Variants in RBSN observed in about 807,000 individuals in gnomAD.
RBSN encodes rabenosyn, RAB effector, also known as rabenosyn-5.
Under a neutral mutation model 60.5 loss-of-function variants are expected in RBSN, and 34 were observed. The ratio of observed to expected loss-of-function variants is 0.56; its 90% CI spans 0.43 to 0.75. The LOEUF is 0.75. RBSN is among the 30% of genes least tolerant of loss of function. The pLI is 0.00. For missense variants in RBSN, 845 were observed against 986.8 expected (o/e 0.86, Z 1.92); for synonymous variants, 322 against 366.9 (o/e 0.88, Z 1.40).
chr3:15,075,509 G>C, intron 13 of RBSN, 97 bp downstream of exon 13: 1 of 941,266 alleles, frequency 1.1e-6, no homozygotes. Flanking sequence ...GAGAGGTTCT[G>C]ATTCACTACA....
intron 1 of RBSN, among the ~76,000 whole-genome samples, chr3:15,098,530 G>A (rs2043735793): frequency 7.6e-6 from 1 of 131,498 alleles, no homozygotes; most frequent in South Asian, 2.8e-4. Context: ...ATGTCACCCC[G>A]CCACATGCCG....
chr3:15,094,238 G>C (rs2043592622), intron 4 of RBSN, among the ~76,000 whole-genome samples: 1 of 152,196 alleles, frequency 6.6e-6, no homozygotes, highest in Non-Finnish European at 1.5e-5. Context: ...CTGGAAGCTA[G>C]TTGAAAATGA....
chr3:15,097,234 G>A (rs1476537356), intron 2 of RBSN, among the ~76,000 whole-genome samples: 1 of 152,160 alleles, frequency 6.6e-6, no homozygotes, highest in Admixed American at 6.5e-5. Context: ...TAAAAGGCTG[G>A]CCAGGCATGG....
At position 15,070,237 on chromosome 3, in the gene RBSN, A is replaced by T. The variant is rs557586299; in HGVS notation, c.*3545T>A. On this transcript the variant is annotated 3_prime_UTR_variant, in exon 14 of 14. Coordinates refer to ENST00000253699, the MANE Select transcript of RBSN (RefSeq NM_022340.4). ...AGACCACCTTTTCATTTTGAGTCCC[A>T]TCACCAACTATGCCAATGTCCAACC... is the stretch of plus-strand genomic sequence containing the variant. 6.5e-6 allele frequency: 1 copy of T among 152,790 alleles called. No individual in the cohort carries two copies. The highest frequency in any genetic ancestry group is 2.4e-5 in the African/African-American group (1 of 41,566). 9.5% of individuals were successfully genotyped at this position (152,790 alleles called of 1,614,324 possible). A position where few individuals can be genotyped will look rare whatever the true frequency, so the allele number is the denominator to read the frequency against.
chr3:15,081,849 G>A (rs972581993), intron 9 of RBSN, among the ~76,000 whole-genome samples: 1 of 152,162 alleles, frequency 6.6e-6, no homozygotes, highest in Non-Finnish European at 1.5e-5. Flanking sequence ...TCCTCTCAGA[G>A]TATGCATCTA....
At chr3:15,085,824 TTTG>T in intron 6 of RBSN, 34 bp downstream of exon 6, 1 of 1,519,246 alleles carries the variant, frequency 6.6e-7, no homozygotes, top group South Asian at 1.1e-5. Context: ...AAAATGTGTA[TTTG>T]TAGAAAAAAA....
In RBSN at chr3:15,096,140, C is replaced by A. The variant is rs746543226; in HGVS notation, c.-20G>T. 21 of 1,537,870 alleles carry A rather than the reference C, an allele frequency of 1.4e-5. No individual in the cohort carries two copies. The highest frequency in any genetic ancestry group is 1.8e-5 in the Non-Finnish European group (21 of 1,146,548). On this transcript the variant is annotated 5_prime_UTR_variant, in exon 4 of 14. It adds an upstream start codon to the 5' untranslated region. Coordinates refer to ENST00000253699, the MANE Select transcript of RBSN (RefSeq NM_022340.4). ...AGCCATGGCAGTGCCGCTCTCAACC[C>A]TAGGAAGGCAGGAATCTCATGCCAA...
chr3:15,092,250 A>G (rs940212391), intron 4 of RBSN, among the ~76,000 whole-genome samples: 11 of 152,216 alleles, frequency 7.2e-5, no homozygotes, highest in African/African-American at 2.4e-4. Context: ...TGAGATTGAT[A>G]AGAATACACT....
chr3:15,091,447 T>C, intron 4 of RBSN: 1 of 1,285,006 alleles, frequency 7.8e-7, no homozygotes, highest in Non-Finnish European at 1.0e-6. Context: ...ACTTATTGAA[T>C]GCATGTGAGA....
At chr3:15,092,129 G>A (rs533170081) in intron 4 of RBSN, among the ~76,000 whole-genome samples, 4 of 152,170 alleles carry the variant, frequency 2.6e-5, no homozygotes, top group South Asian at 4.2e-4. Context: ...CGATCCTCTC[G>A]CCTCAGTCTC....
At position 15,070,157 on chromosome 3, in the gene RBSN, G is replaced by A. The variant is rs2042900029; in HGVS notation, c.*3625C>T. ...CATGCAAATCAACGACCCTCAAAGT[G>A]ACAGTCATTGTCAGATAACAAGCAC... On this transcript the variant is annotated 3_prime_UTR_variant, in exon 14 of 14. Transcript: ENST00000253699. 1 of 152,536 alleles carries A rather than the reference G, an allele frequency of 6.6e-6. No individual in the cohort carries two copies. The highest frequency in any genetic ancestry group is 2.4e-5 in the African/African-American group (1 of 41,416). 9.4% of individuals were successfully genotyped at this position (152,536 alleles called of 1,614,324 possible).
In RBSN at chr3:15,074,688, G is replaced by GC. The variant is rs1264740615; in HGVS notation, c.1448dup (p.Thr484HisfsTer14). On this transcript the variant is annotated frameshift_variant, in exon 14 of 14. Coordinates refer to ENST00000253699, the MANE Select transcript of RBSN (RefSeq NM_022340.4). LOFTEE classifies it low-confidence loss of function (END_TRUNC). The surrounding 1 kb of genome is among the most constrained non-coding windows in gnomAD (Gnocchi z 6.4). The stretch of plus-strand genomic sequence containing the variant: ...GCTGCCGCAGGTTCTCCTGCAGAGT[G>GC]CGCACTTCATCCATGCGGCCCGCGG... 6.2e-7 allele frequency: 1 copy of GC among 1,614,268 alleles called. No homozygotes were observed.
At chr3:15,095,659 A>T in intron 4 of RBSN, 1 of 490,578 alleles carries the variant, frequency 2.0e-6, no homozygotes, top group Non-Finnish European at 3.6e-6. Context: ...GTTAAAGAAC[A>T]GTCAAGCCAG....
In RBSN at chr3:15,077,124, G is replaced by A; in HGVS notation, c.1039C>T (p.Pro347Ser). Residue 347 changes from proline (P) to serine (S), a missense_variant, in exon 12 of 14, where the codon CCA (proline) becomes TCA (serine). Pro to Ser is a moderately conservative substitution (Grantham distance 74). Coordinates refer to ENST00000253699, the MANE Select transcript of RBSN (RefSeq NM_022340.4). The surrounding 1 kb of genome is among the most constrained non-coding windows in gnomAD (Gnocchi z 4.4). Reference protein sequence around the residue: ...LTLGLNQDPPPHPSNLRLQRM... With the variant: ...LTLGLNQDPPSHPSNLRLQRM... ...TGCAGCCGCAAATTGCTTGGATGTG[G>A]TGGAGGGTCCTGGTTCAAGCCCAAG... is the stretch of plus-strand genomic sequence containing the variant. 6.2e-7 allele frequency: 1 copy of A among 1,614,120 alleles called. No homozygotes were observed. The highest frequency in any genetic ancestry group is 8.5e-7 in the Non-Finnish European group (1 of 1,179,998).
chr3:15,092,670 C>G (rs1649650118), intron 4 of RBSN, among the ~76,000 whole-genome samples: 4 of 152,168 alleles, frequency 2.6e-5, no homozygotes, highest in Admixed American at 1.3e-4. Flanking sequence ...CCTCGGCCTC[C>G]CAAAGTGCTG....
intron 4 of RBSN, among the ~76,000 whole-genome samples, chr3:15,095,514 G>A (rs1022272896): frequency 1.3e-5 from 2 of 152,162 alleles, no homozygotes; most frequent in African/African-American, 4.8e-5. Flanking sequence ...CTGGGCTATA[G>A]AGGGCAAGAT....
intron 4 of RBSN, among the ~76,000 whole-genome samples, chr3:15,091,079 A>G (rs2043500462): frequency 2.0e-5 from 3 of 151,790 alleles, no homozygotes; most frequent in Admixed American, 2.0e-4. Context: ...GTGTTGTGGC[A>G]TGCACCTGTA....
chr3:15,097,695 A>G (rs1471262878), intron 2 of RBSN, among the ~76,000 whole-genome samples: 1 of 152,096 alleles, frequency 6.6e-6, no homozygotes, highest in Non-Finnish European at 1.5e-5. Flanking sequence ...AAAAGCAGAG[A>G]AATTTCTCCC....
chr3:15,089,299 C>T (rs915476096), intron 5 of RBSN, among the ~76,000 whole-genome samples: 2 of 151,254 alleles, frequency 1.3e-5, no homozygotes, highest in African/African-American at 4.9e-5. Flanking sequence ...CCTGTTTCTA[C>T]AAAAAATACA....
Sources: gnomAD v4.1 joint callset for allele counts (sites outside exome capture counted in the v4.1 genomes callset) on GRCh38, gnomAD v4.1.1 for gene constraint, Gnocchi (gnomAD v3.1) non-coding constraint, MANE v1.5 for transcripts, NCBI Gene and HGNC (gene_info 2026-07-23, HGNC 2026-07-21) for gene names.